Variants in RSRC1 observed in about 807,000 individuals in gnomAD.
RSRC1 encodes the protein serine/Arginine-related protein 53.
In RSRC1, 39 loss-of-function variants were observed where a neutral mutation model predicts 49.1. The observed-to-expected ratio is 0.79, with a 90% CI of 0.61 to 1.04. The LOEUF is 1.04. RSRC1 is among the 50% of genes least tolerant of loss of function. The pLI is 0.00. For missense variants in RSRC1, 388 were observed against 402.4 expected, an observed-to-expected ratio of 0.96 and a Z score of 0.31; for synonymous variants, 143 against 130.8, an observed-to-expected ratio of 1.09 and a Z score of -0.63.
At chr3:158,415,016 G>A (rs1734670808) in intron 6 of RSRC1, among the ~76,000 whole-genome samples, 3 of 152,042 alleles carry the variant, frequency 2.0e-5, no homozygotes, top group South Asian at 2.1e-4. Flanking sequence ...GACTAGAAAT[G>A]GATCTTCTAA....
At chr3:158,167,337 C>T (rs556890818) in intron 3 of RSRC1, among the ~76,000 whole-genome samples, 1 of 152,110 alleles carries the variant, frequency 6.6e-6, no homozygotes, top group Non-Finnish European at 1.5e-5. Flanking sequence ...CAGGCACATG[C>T]ACACCACCAC....
chr3:158,195,627 T>C (rs1308427428), intron 3 of RSRC1, among the ~76,000 whole-genome samples: 1 of 152,174 alleles, frequency 6.6e-6, no homozygotes, highest in African/African-American at 2.4e-5. Context: ...TTTTATGGTT[T>C]TAGGTCTAAG....
chr3:158,451,093 G>T (rs953235228), intron 6 of RSRC1, among the ~76,000 whole-genome samples: 1 of 151,806 alleles, frequency 6.6e-6, no homozygotes, highest in Admixed American at 6.6e-5. Context: ...TGTGAGGTAT[G>T]TATGCCACTC....
chr3:158,490,890 G>C (rs969465496), intron 7 of RSRC1, among the ~76,000 whole-genome samples: 1 of 152,168 alleles, frequency 6.6e-6, no homozygotes, highest in Admixed American at 6.5e-5. Context: ...AACTTAAAAG[G>C]ACAAAGATTA....
At chr3:158,494,211 C>T (rs1220186322) in intron 7 of RSRC1, among the ~76,000 whole-genome samples, 1 of 152,096 alleles carries the variant, frequency 6.6e-6, no homozygotes, top group Non-Finnish European at 1.5e-5. Context: ...ATGGTATAGC[C>T]CGCTGCTCCT....
intron 6 of RSRC1, among the ~76,000 whole-genome samples, chr3:158,396,651 G>T (rs1325060019): frequency 6.6e-6 from 1 of 151,958 alleles, no homozygotes; most frequent in Non-Finnish European, 1.5e-5. Flanking sequence ...ATTCTCTATG[G>T]CAAACTGTAG....
intron 5 of RSRC1, among the ~76,000 whole-genome samples, chr3:158,348,114 C>A (rs1401398882): frequency 6.6e-6 from 1 of 151,976 alleles, no homozygotes; most frequent in Non-Finnish European, 1.5e-5. Flanking sequence ...AGTTTGAGTT[C>A]TTTTTAGGTG....
intron 3 of RSRC1, among the ~76,000 whole-genome samples, chr3:158,195,316 A>G (rs912466553): frequency 1.3e-5 from 2 of 148,352 alleles, no homozygotes; most frequent in Non-Finnish European, 1.5e-5. Flanking sequence ...GTGTCTGTTC[A>G]TATCCTTTGC....
chr3:158,337,894 A>G (rs1418467427), intron 5 of RSRC1, among the ~76,000 whole-genome samples: 2 of 152,240 alleles, frequency 1.3e-5, no homozygotes, highest in Non-Finnish European at 2.9e-5. Context: ...TATGATGATT[A>G]CATGGAGAAG....
chr3:158,356,003 T>C (rs1399766998), intron 6 of RSRC1, among the ~76,000 whole-genome samples: 4 of 151,842 alleles, frequency 2.6e-5, no homozygotes, highest in Admixed American at 2.6e-4. Flanking sequence ...ATAATGATAA[T>C]AAAATGGAAC....
At position 158,358,278 on chromosome 3, in the gene RSRC1, G is replaced by A. The variant is rs577044927; in HGVS notation, c.583+3370G>A. On this transcript the variant is annotated intron_variant, in intron 6 of 9. Coordinates refer to ENST00000611884, the MANE Select transcript of RSRC1 (RefSeq NM_001271838.2). ...AACATTTTCTTTGACTCTTTTATAG[G>A]CGATAATTCACCTGGACTTAATTAT... Among the ~76,000 whole-genome samples, 5 of 152,108 alleles carry A rather than the reference G, an allele frequency of 3.3e-5. No homozygotes were observed. In the South Asian group the frequency reaches 8.3e-4, roughly 25 times the overall value.
chr3:158,518,198 A>C (rs1341746972), intron 7 of RSRC1, among the ~76,000 whole-genome samples: 1 of 101,806 alleles, frequency 9.8e-6, no homozygotes, highest in Non-Finnish European at 1.9e-5. Context: ...ATCTGCATTC[A>C]TGATTTGCTT....
intron 6 of RSRC1, among the ~76,000 whole-genome samples, chr3:158,394,864 G>C (rs892330829): frequency 2.0e-5 from 3 of 152,038 alleles, no homozygotes; most frequent in African/African-American, 7.2e-5. Context: ...AACCGAAAAA[G>C]AGCCCAAATA....
chr3:158,514,841 T>C (rs1461006798), intron 7 of RSRC1, among the ~76,000 whole-genome samples: 3 of 152,246 alleles, frequency 2.0e-5, no homozygotes, highest in South Asian at 2.1e-4. Flanking sequence ...TTATCTCTTC[T>C]TGTTGAATTG....
intron 6 of RSRC1, among the ~76,000 whole-genome samples, chr3:158,392,866 A>G (rs1733395484): frequency 6.6e-6 from 1 of 152,146 alleles, no homozygotes; most frequent in South Asian, 2.1e-4. Flanking sequence ...CCTAAAAACA[A>G]CCAAATATAC....
chr3:158,260,545 G>A (rs1048881340), intron 4 of RSRC1, among the ~76,000 whole-genome samples: 2 of 152,158 alleles, frequency 1.3e-5, no homozygotes, highest in African/African-American at 4.8e-5. Context: ...AGTGACACAA[G>A]CACTTCCTTG....
chr3:158,181,678 A>G (rs914081290), intron 3 of RSRC1, among the ~76,000 whole-genome samples: 2 of 152,208 alleles, frequency 1.3e-5, no homozygotes, highest in Non-Finnish European at 2.9e-5. Context: ...TAGGTATTCT[A>G]TTTTGTTGGG....
intron 3 of RSRC1, among the ~76,000 whole-genome samples, chr3:158,180,075 A>G (rs1168561281): frequency 3.3e-5 from 5 of 152,016 alleles, no homozygotes; most frequent in Non-Finnish European, 5.9e-5. Flanking sequence ...TTCTAATTGA[A>G]TAGTTTTTTT....
At chr3:158,532,129 TA>T (rs1335852105) in intron 7 of RSRC1, among the ~76,000 whole-genome samples, 5 of 151,888 alleles carry the variant, frequency 3.3e-5, no homozygotes, top group Non-Finnish European at 5.9e-5. Flanking sequence ...TATTAGTATA[TA>T]TTTTTTTCCT....
Sources: allele counts gnomAD v4.1 joint callset (sites outside exome capture counted in the v4.1 genomes callset), GRCh38; gene constraint gnomAD v4.1.1; transcripts MANE v1.5; gene names NCBI Gene and HGNC (gene_info 2026-07-23, HGNC 2026-07-21).